The following VAC14 variants were observed in gnomAD, a reference collection of about 807,000 sequenced individuals.
VAC14 encodes the protein protein VAC14 homolog.
A neutral mutation model predicts 85.3 loss-of-function variants in VAC14; 47 were observed. The observed-to-expected ratio is 0.55, with a 90% CI of 0.44 to 0.70. The LOEUF (loss-of-function observed/expected upper bound fraction) is 0.70, where lower values mean the gene tolerates loss of function less well. Ranked by LOEUF, VAC14 falls within the 30% of genes least tolerant of loss-of-function variation. The pLI, the probability that VAC14 is intolerant of heterozygous loss-of-function variation, is 0.00. For synonymous variants in VAC14, 447 were observed against 430.5 expected, an observed-to-expected ratio of 1.04 and a Z score of -0.47; for missense variants, 861 against 1,004.3, an observed-to-expected ratio of 0.86 and a Z score of 1.93.
chr16:70,702,145 A>G (rs1024648979), intron 14 of VAC14, among the ~76,000 whole-genome samples: 9 of 152,232 alleles, frequency 5.9e-5, no homozygotes, highest in African/African-American at 1.9e-4. Flanking sequence ...CTCTCTGTTC[A>G]TGCCCAGGCA....
chr16:70,797,416 C>G (rs2034591722), intron 1 of VAC14, among the ~76,000 whole-genome samples: 2 of 152,164 alleles, frequency 1.3e-5, no homozygotes, highest in African/African-American at 4.8e-5. Flanking sequence ...ATAACATATT[C>G]ACAGGCTCCA....
At chr16:70,793,798 G>A (rs1187563281) in intron 1 of VAC14, among the ~76,000 whole-genome samples, 1 of 152,228 alleles carries the variant, frequency 6.6e-6, no homozygotes, top group East Asian at 1.9e-4. Flanking sequence ...TACTGCACAT[G>A]CTCAAATAAC....
chr16:70,739,236 A>G (rs2030015100), intron 13 of VAC14, among the ~76,000 whole-genome samples: 1 of 152,192 alleles, frequency 6.6e-6, no homozygotes, highest in Non-Finnish European at 1.5e-5. Flanking sequence ...AGGGCTGTGA[A>G]TCTAGATCCC....
At chr16:70,793,270 A>G (rs2143333313) in intron 1 of VAC14, among the ~76,000 whole-genome samples, 1 of 152,370 alleles carries the variant, frequency 6.6e-6, no homozygotes, top group South Asian at 2.1e-4. Context: ...CGCAGGACAC[A>G]GTGAGTAACC....
At chr16:70,705,977 C>G (rs1178378646) in intron 14 of VAC14, among the ~76,000 whole-genome samples, 3 of 152,194 alleles carry the variant, frequency 2.0e-5, no homozygotes, top group Non-Finnish European at 4.4e-5. Context: ...ACAGGAAGGT[C>G]TCCTCCTACT....
At chr16:70,714,243 C>T (rs1371342282) in intron 14 of VAC14, 1 of 152,214 alleles carries the variant, frequency 6.6e-6, no homozygotes, top group East Asian at 1.9e-4. Context: ...GTCATCTCTC[C>T]ATCATCTCTC....
At chr16:70,755,058 C>T (rs75274147) in intron 12 of VAC14, 2,916 of 180,674 alleles carry the variant, frequency 0.016, 91 homozygotes, top group African/African-American at 0.064. Context: ...GTCATGTGAC[C>T]TGCCTGGTCC....
chr16:70,725,144 T>C (rs1392933523), intron 14 of VAC14, among the ~76,000 whole-genome samples: 2 of 152,220 alleles, frequency 1.3e-5, no homozygotes, highest in African/African-American at 4.8e-5. Context: ...ACCAGCACAA[T>C]GGGCTTCTGG....
At chr16:70,755,214 TG>T in intron 12 of VAC14, 1 of 348,750 alleles carries the variant, frequency 2.9e-6, no homozygotes, top group Non-Finnish European at 5.8e-6. Context: ...AGAGGGCTTC[TG>T]GACTGAGCCC....
intron 9 of VAC14, among the ~76,000 whole-genome samples, chr16:70,777,853 A>C (rs1278078669): frequency 1.3e-5 from 2 of 152,246 alleles, no homozygotes; most frequent in Admixed American, 6.5e-5. Flanking sequence ...GAGTGGGAAC[A>C]GAGGGAGCAG....
At chr16:70,772,328 C>G in intron 9 of VAC14, 156 bp from the exon 10 acceptor site, 1 of 612,826 alleles carries the variant, frequency 1.6e-6, no homozygotes, top group Admixed American at 2.9e-5. Context: ...GAGGACCCAA[C>G]CAACGCCCAG....
At chr16:70,751,028 A>G (rs1384421002) in intron 12 of VAC14, among the ~76,000 whole-genome samples, 4 of 152,136 alleles carry the variant, frequency 2.6e-5, no homozygotes, top group African/African-American at 9.7e-5. Context: ...ATACTTGCTG[A>G]CCTGCAGCGT....
chr16:70,698,850 C>T, intron 14 of VAC14, 39 bp from the exon 15 acceptor site: 2 of 1,607,574 alleles, frequency 1.2e-6, no homozygotes, highest in Non-Finnish European at 1.7e-6. Flanking sequence ...CGCAGGCCGA[C>T]CTGGAAGGCT....
At chr16:70,775,853 T>C (rs2033489342) in intron 9 of VAC14, among the ~76,000 whole-genome samples, 1 of 152,252 alleles carries the variant, frequency 6.6e-6, no homozygotes, top group Non-Finnish European at 1.5e-5. Flanking sequence ...ACATCTCTCC[T>C]GTGCTTTCAT....
intron 10 of VAC14, chr16:70,766,358 G>C (rs2032812309): frequency 2.5e-6 from 1 of 400,042 alleles, no homozygotes; most frequent in African/African-American, 2.0e-5. Flanking sequence ...TGCTGTGTCA[G>C]GGCCAAAGAA....
chr16:70,738,088 G>A lies in VAC14; in HGVS notation c.1528+6335C>T, dbSNP rs548063740. Among the ~76,000 whole-genome samples the A allele has an allele frequency of 2.6e-5, 4 of 152,348 alleles. No homozygotes were observed. In the East Asian group the frequency reaches 7.7e-4, roughly 29 times the overall value. ...AGGCAGGGCTAAAGAGCATCAAGTC[G>A]TGCTTGGCACAGGAAGTGGTCCACA... On this transcript the variant is annotated intron_variant, in intron 13 of 18. Transcript: ENST00000261776.
chr16:70,698,423 A>G (rs529588286), intron 15 of VAC14, among the ~76,000 whole-genome samples: 93 of 152,310 alleles, frequency 6.1e-4, no homozygotes, highest in African/African-American at 2.0e-3. Context: ...CTGCGGGCAG[A>G]GACCTCAGTG....
rs1295846336 is a variant in VAC14, at chr16:70,784,841, G to A, written c.424-3C>T. 1 of 1,614,012 alleles carries A rather than the reference G, an allele frequency of 6.2e-7. No individual in the cohort carries two copies. Among genetic ancestry groups the A allele is most frequent in the Middle Eastern group, 1.7e-4 (1 of 6,060 alleles). On this transcript the variant is annotated splice_region_variant and splice_polypyrimidine_tract_variant and intron_variant, in intron 3 of 18. Transcript: ENST00000261776. ...TTGGGGTCTGGGTCGGCTGCCAGCT[G>A]CAAGAGGCACAGACAGGGGAGGGAC...
At position 70,705,654 on chromosome 16, in the gene VAC14, C is replaced by T. The variant is rs140627552; in HGVS notation, c.1662-6843G>A. ...GAGAGATGAGCGTGGAGGCTGGGGG[C>T]GCCTGCTCCCGCCCGGCATGCCCTC... On this transcript the variant is annotated intron_variant, in intron 14 of 18. Coordinates refer to ENST00000261776, the MANE Select transcript of VAC14 (RefSeq NM_018052.5). Among the ~76,000 whole-genome samples, 1,024 of 152,254 alleles carry T rather than the reference C, an allele frequency of 6.7e-3. 1 individual carries two copies. The highest frequency in any genetic ancestry group is 0.011 in the Non-Finnish European group (781 of 68,006).
Sources: allele counts gnomAD v4.1 joint callset (sites outside exome capture counted in the v4.1 genomes callset), GRCh38; gene constraint gnomAD v4.1.1; transcripts MANE v1.5; gene names NCBI Gene and HGNC (gene_info 2026-07-23, HGNC 2026-07-21).